The following AFF3 variants were observed in gnomAD, a reference collection of about 807,000 sequenced individuals.
AFF3 encodes ALF transcription elongation factor 3, also known as AF4/FMR2 family member 3.
AFF3 carries 32 observed loss-of-function variants against 129.7 expected under a neutral mutation model. That is an observed-to-expected ratio of 0.25 (90% CI 0.19 to 0.33). The LOEUF (loss-of-function observed/expected upper bound fraction) is 0.33. Among genes scored for constraint, AFF3 ranks in the 10% least tolerant of loss-of-function variants. The pLI, the probability that AFF3 is intolerant of heterozygous loss-of-function variation, is 1.00. For missense variants in AFF3, 1,373 were observed against 1,592.0 expected (o/e 0.86, Z 2.34); for synonymous variants, 644 against 635.4 (o/e 1.01, Z -0.20).
chr2:100,053,996 T>A (rs1299030437), intron 4 of AFF3, among the ~76,000 whole-genome samples: 3 of 152,182 alleles, frequency 2.0e-5, no homozygotes, highest in Non-Finnish European at 4.4e-5. Context: ...CAGTTCTCCA[T>A]CCTGGTTAAG....
intron 13 of AFF3, among the ~76,000 whole-genome samples, chr2:99,607,593 C>G (rs1221426278): frequency 1.3e-5 from 2 of 152,000 alleles, no homozygotes; most frequent in African/African-American, 4.8e-5. Flanking sequence ...GTCAAGGGTG[C>G]TCCTGCCTGC....
intron 7 of AFF3, among the ~76,000 whole-genome samples, chr2:99,956,110 C>T (rs553964434): frequency 6.7e-6 from 1 of 149,074 alleles, no homozygotes; most frequent in African/African-American, 2.6e-5. Context: ...TCATCTTCCT[C>T]CTCATTTAGT....
intron 2 of AFF3, among the ~76,000 whole-genome samples, chr2:100,113,710 A>G (rs1691614202): frequency 6.6e-6 from 1 of 152,246 alleles, no homozygotes; most frequent in Admixed American, 6.5e-5. Context: ...ACAGCCCCTA[A>G]CATTGGGTTG....
chr2:99,939,754 T>C (rs1674856476), intron 7 of AFF3, among the ~76,000 whole-genome samples: 1 of 152,254 alleles, frequency 6.6e-6, no homozygotes, highest in African/African-American at 2.4e-5. Context: ...TCTGCTGGAT[T>C]AGTGGAACAC....
At chr2:99,785,673 C>T (rs1180538689) in intron 8 of AFF3, among the ~76,000 whole-genome samples, 1 of 152,220 alleles carries the variant, frequency 6.6e-6, no homozygotes, top group Non-Finnish European at 1.5e-5. Flanking sequence ...GTTTAGAACT[C>T]TTCAGAAAAC....
chr2:99,670,160 A>G (rs947952830), intron 12 of AFF3, among the ~76,000 whole-genome samples: 1 of 152,214 alleles, frequency 6.6e-6, no homozygotes, highest in Non-Finnish European at 1.5e-5. Flanking sequence ...CTGTGCTCTT[A>G]ACCACTAAAC....
chr2:100,023,059 G>C (rs897700869), intron 4 of AFF3, among the ~76,000 whole-genome samples: 2 of 152,162 alleles, frequency 1.3e-5, no homozygotes, highest in Non-Finnish European at 2.9e-5. Context: ...GGGCCCTTTG[G>C]GGTCTCCATC....
At chr2:99,983,138 C>A (rs1196047318) in intron 7 of AFF3, among the ~76,000 whole-genome samples, 1 of 152,234 alleles carries the variant, frequency 6.6e-6, no homozygotes, top group Non-Finnish European at 1.5e-5. Flanking sequence ...TAAATGAAAT[C>A]TAACTTCTGC....
At chr2:99,905,951 G>A (rs1388156632) in intron 7 of AFF3, among the ~76,000 whole-genome samples, 2 of 151,912 alleles carry the variant, frequency 1.3e-5, no homozygotes, top group Non-Finnish European at 2.9e-5. Context: ...TAAATACGCT[G>A]ATAATCTTTG....
At chr2:99,757,898 G>A (rs76439115) in intron 8 of AFF3, among the ~76,000 whole-genome samples, 4 of 152,202 alleles carry the variant, frequency 2.6e-5, no homozygotes, top group East Asian at 1.9e-4. Context: ...CATTTCCCAC[G>A]TACAGGTCTC....
intron 7 of AFF3, among the ~76,000 whole-genome samples, chr2:99,847,405 A>C (rs1262198124): frequency 6.6e-6 from 1 of 151,846 alleles, no homozygotes; most frequent in Non-Finnish European, 1.5e-5. Context: ...CGAACTCCTG[A>C]CCTTTAGTTC....
At chr2:100,039,309 A>G (rs1211584188) in intron 4 of AFF3, among the ~76,000 whole-genome samples, 1 of 152,312 alleles carries the variant, frequency 6.6e-6, no homozygotes, top group East Asian at 1.9e-4. Flanking sequence ...CTATAGACTC[A>G]GGGCTTTAGG....
At chr2:99,734,366 C>CT (rs35599718) in intron 10 of AFF3, among the ~76,000 whole-genome samples, 111,450 of 151,586 alleles carry the variant, frequency 0.74, 41,769 homozygotes, top group East Asian at 0.92. Flanking sequence ...CTAACAGGTA[C>CT]TTTTTTTTCT....
rs3073411 is a variant in AFF3, at chr2:99,976,798, GTTT to G, written c.873+29831_873+29833del. Among the ~76,000 whole-genome samples, 534 of 132,306 alleles carry G rather than the reference GTTT, an allele frequency of 4.0e-3. 2 individuals are homozygous for G. The highest frequency in any genetic ancestry group is 0.014 in the African/African-American group (504 of 37,118). 86.8% of individuals were successfully genotyped at this position (132,306 alleles called of 152,430 possible). Reference sequence around the variant, plus strand: ...AGAAAACCCATTTCTTTTTGTTCCTGTTTTTTTTTTTTTTTCCTAAAAAAGGCT... The same window carrying G: ...AGAAAACCCATTTCTTTTTGTTCCTGTTTTTTTTTTTTCCTAAAAAAGGCT... On this transcript the variant is annotated intron_variant, in intron 7 of 24. Transcript: ENST00000672756.
chr2:99,593,471 G>A lies in AFF3; in HGVS notation c.2190C>T (p.Thr730=). Residue 730 remains threonine (T), a synonymous_variant, in exon 15 of 25, where the codon ACC becomes ACT. Coordinates refer to ENST00000672756, the MANE Select transcript of AFF3 (RefSeq NM_001386135.1). ...RAPVGSINAR[T]TSDIAKELEE... is the part of the protein sequence containing the mutation. ...CCAGCTCCTTGGCGATGTCACTGGT[G>A]GTCCTGGCGTTGATGGAGCCTACAG... 3 of 1,614,008 alleles carry A rather than the reference G, an allele frequency of 1.9e-6. No homozygotes were observed. In the Admixed American group the frequency reaches 5.0e-5, roughly 27 times the overall value.
At chr2:99,735,213 A>T (rs1413345076) in intron 10 of AFF3, among the ~76,000 whole-genome samples, 1 of 152,124 alleles carries the variant, frequency 6.6e-6, no homozygotes, top group East Asian at 1.9e-4. Context: ...GATCTGCATC[A>T]CAGTTTATTC....
intron 4 of AFF3, among the ~76,000 whole-genome samples, chr2:100,015,280 A>AC (rs564988988): frequency 5.1e-4 from 78 of 151,854 alleles, no homozygotes; most frequent in South Asian, 2.1e-3. Context: ...ACAGAGAAAC[A>AC]CTCTCCCCCT....
At chr2:100,062,941 C>T (rs1687413343) in intron 4 of AFF3, among the ~76,000 whole-genome samples, 1 of 152,050 alleles carries the variant, frequency 6.6e-6, no homozygotes, top group Non-Finnish European at 1.5e-5. Flanking sequence ...AAATAAGTAA[C>T]AAGTGACTAT....
chr2:100,105,000 C>G (rs1691161103), intron 3 of AFF3: 1 of 151,120 alleles, frequency 6.6e-6, no homozygotes, highest in Non-Finnish European at 1.4e-5. Context: ...GCCCTGCCGC[C>G]CCTCTCTCGT....
Sources: gnomAD v4.1 joint callset for allele counts (sites outside exome capture counted in the v4.1 genomes callset) on GRCh38, gnomAD v4.1.1 for gene constraint, MANE v1.5 for transcripts, NCBI Gene and HGNC (gene_info 2026-07-23, HGNC 2026-07-21) for gene names.